The following UBE2E2 variants were observed in gnomAD, a reference collection of about 807,000 sequenced individuals.
UBE2E2 encodes ubiquitin conjugating enzyme E2 E2.
In UBE2E2, 6 loss-of-function variants were observed where a neutral mutation model predicts 24.7. The observed-to-expected ratio is 0.24, with a 90% CI of 0.13 to 0.48. The LOEUF is 0.48. UBE2E2 is among the 20% of genes least tolerant of loss of function. The pLI is 0.99. For synonymous variants in UBE2E2, 104 were observed against 83.6 expected (o/e 1.24, Z -1.33); for missense variants, 169 against 245.0 (o/e 0.69, Z 2.07).
rs564980294 is a variant in UBE2E2 at position 23,440,650 on chromosome 3, A to G, written c.228-58958A>G. Among the ~76,000 whole-genome samples, 360 of 152,346 alleles carry G rather than the reference A, an allele frequency of 2.4e-3. 2 individuals carry two copies. Among genetic ancestry groups the G allele is most frequent in the African/African-American group, 8.2e-3 (343 of 41,578 alleles). On this transcript the variant is annotated intron_variant, in intron 3 of 5. Coordinates refer to ENST00000396703, the MANE Select transcript of UBE2E2 (RefSeq NM_152653.4). ...ACCGTTAGGTAAGATACTGAGAAAA[A>G]GGATAAAGTAAGATCAGCCTAAATG... is the stretch of plus-strand genomic sequence containing the variant.
chr3:23,448,660 T>A (rs1698488165), intron 3 of UBE2E2, among the ~76,000 whole-genome samples: 1 of 152,240 alleles, frequency 6.6e-6, no homozygotes, highest in African/African-American at 2.4e-5. Context: ...AATTCAAATG[T>A]GTTACCTAAT....
intron 3 of UBE2E2, among the ~76,000 whole-genome samples, chr3:23,356,475 A>G (rs1288260337): frequency 6.6e-6 from 1 of 152,218 alleles, no homozygotes; most frequent in Non-Finnish European, 1.5e-5. Context: ...GTACATTCTG[A>G]CACTAACTGC....
At chr3:23,431,303 A>T (rs1274390567) in intron 3 of UBE2E2, among the ~76,000 whole-genome samples, 2 of 152,078 alleles carry the variant, frequency 1.3e-5, no homozygotes, top group Non-Finnish European at 2.9e-5. Context: ...TTTGCTAAGG[A>T]TTTATTTTGT....
intron 3 of UBE2E2, among the ~76,000 whole-genome samples, chr3:23,270,134 C>G (rs1328463620): frequency 7.0e-6 from 1 of 143,570 alleles, no homozygotes; most frequent in Non-Finnish European, 1.5e-5. Context: ...GGTCAAGACT[C>G]TTTCCACCCC....
intron 3 of UBE2E2, among the ~76,000 whole-genome samples, chr3:23,286,520 T>G (rs935547115): frequency 1.3e-5 from 2 of 152,194 alleles, no homozygotes; most frequent in African/African-American, 4.8e-5. Context: ...GTCTGTTTTT[T>G]ATACCAGTTC....
At chr3:23,404,753 G>A (rs981829472) in intron 3 of UBE2E2, among the ~76,000 whole-genome samples, 11 of 152,122 alleles carry the variant, frequency 7.2e-5, no homozygotes, top group African/African-American at 2.2e-4. Context: ...TAACTGTAGC[G>A]TTTAAATATT....
At chr3:23,523,475 TATC>T (rs1336623636) in intron 4 of UBE2E2, among the ~76,000 whole-genome samples, 2 of 152,198 alleles carry the variant, frequency 1.3e-5, no homozygotes, top group Non-Finnish European at 2.9e-5. Context: ...ATAGTAGTCT[TATC>T]ATGTAGCATG....
chr3:23,340,595 G>C (rs563700587), intron 3 of UBE2E2, among the ~76,000 whole-genome samples: 1 of 152,150 alleles, frequency 6.6e-6, no homozygotes, highest in South Asian at 2.1e-4. Flanking sequence ...TTTTTTTAAA[G>C]AAAAAGATGC....
intron 3 of UBE2E2, among the ~76,000 whole-genome samples, chr3:23,274,992 C>T (rs951621507): frequency 6.6e-6 from 1 of 152,172 alleles, no homozygotes; most frequent in Non-Finnish European, 1.5e-5. Context: ...ATGTAATCCT[C>T]AAAATAACTT....
intron 3 of UBE2E2, among the ~76,000 whole-genome samples, chr3:23,229,724 G>A (rs991688567): frequency 6.6e-6 from 1 of 152,186 alleles, no homozygotes; most frequent in African/African-American, 2.4e-5. Context: ...TGTCCCAGTA[G>A]GACTTTCTGT....
At position 23,589,915 on chromosome 3, in the gene UBE2E2, C is replaced by T. The variant is rs935954698; in HGVS notation, c.*84C>T. On this transcript the variant is annotated 3_prime_UTR_variant, in exon 6 of 6. Coordinates refer to ENST00000396703, the MANE Select transcript of UBE2E2 (RefSeq NM_152653.4). This position sits in a 1 kb window ranked among gnomAD's most constrained non-coding sequence, Gnocchi z 4.1. Reference sequence around the variant, plus strand: ...TAGCCCTGCCCACCCCTCCAGACCTCGGTTCTTATTTTCCTATTTTTATTA... The same window carrying T: ...TAGCCCTGCCCACCCCTCCAGACCTTGGTTCTTATTTTCCTATTTTTATTA... 9.3e-6 allele frequency: 12 copies of T among 1,296,274 alleles called. No individual in the cohort carries two copies. The highest frequency in any genetic ancestry group is 7.4e-5 in the African/African-American group (5 of 67,880). The allele number at this position is 1,296,274 out of a possible 1,614,324, so 80.3% of individuals were successfully genotyped here. A position where few individuals can be genotyped will look rare whatever the true frequency, so the allele number is the denominator to read the frequency against.
At chr3:23,316,928 C>T (rs1694597239) in intron 3 of UBE2E2, among the ~76,000 whole-genome samples, 2 of 152,100 alleles carry the variant, frequency 1.3e-5, no homozygotes, top group Non-Finnish European at 2.9e-5. Flanking sequence ...ATGGGGACCT[C>T]AGGACTCTCT....
At chr3:23,519,488 C>T (rs1694812501) in intron 4 of UBE2E2, among the ~76,000 whole-genome samples, 1 of 152,060 alleles carries the variant, frequency 6.6e-6, no homozygotes, top group Non-Finnish European at 1.5e-5. Context: ...ATCTATTCTG[C>T]ATAGATGTTT....
intron 3 of UBE2E2, among the ~76,000 whole-genome samples, chr3:23,298,717 A>G (rs1426434761): frequency 8.6e-5 from 13 of 151,546 alleles, no homozygotes; most frequent in Admixed American, 8.6e-4. Flanking sequence ...TTTTTGCATC[A>G]ATGTTCATCA....
intron 5 of UBE2E2, among the ~76,000 whole-genome samples, chr3:23,570,173 G>A (rs557925756): frequency 1.1e-4 from 17 of 152,082 alleles, no homozygotes; most frequent in Non-Finnish European, 2.1e-4. Flanking sequence ...TAATCAAGCC[G>A]TAACTCCTTG....
intron 5 of UBE2E2, among the ~76,000 whole-genome samples, chr3:23,540,020 C>T (rs759148026): frequency 9.2e-5 from 14 of 151,908 alleles, no homozygotes; most frequent in Non-Finnish European, 1.6e-4. Context: ...TCAGAACTCA[C>T]CTATATTTAG....
In UBE2E2 at chr3:23,407,923, T is replaced by A. The variant is rs1313831689; in HGVS notation, c.228-91685T>A. Among the ~76,000 whole-genome samples the A allele has an allele frequency of 6.8e-6, 1 of 147,232 alleles. No homozygotes were observed. The highest frequency in any genetic ancestry group is 6.7e-5 in the Admixed American group (1 of 14,974). ...TGAAGTTTATAGAAATTAGTGGGTA[T>A]TGGAACCTTCTGAAATGAAATACAG... On this transcript the variant is annotated intron_variant, in intron 3 of 5. Coordinates refer to ENST00000396703, the MANE Select transcript of UBE2E2 (RefSeq NM_152653.4). This position sits in a 1 kb window ranked among gnomAD's most constrained non-coding sequence, Gnocchi z 4.0.
chr3:23,421,641 C>T lies in UBE2E2; in HGVS notation c.228-77967C>T, dbSNP rs561099751. Among the ~76,000 whole-genome samples the T allele has an allele frequency of 2.0e-4, 29 of 143,746 alleles. 1 individual carries two copies. Among genetic ancestry groups the T allele is most frequent in the Middle Eastern group, 3.5e-3 (1 of 288 alleles). The allele number at this position is 143,746 out of a possible 152,430, so 94.3% of individuals were successfully genotyped here. A position where few individuals can be genotyped will look rare whatever the true frequency, so the allele number is the denominator to read the frequency against. ...CAGGCTGGTCTCGAACTCCTGACCT[C>T]ATGACCCGCCCACCTCGGCCTCTCA... On this transcript the variant is annotated intron_variant, in intron 3 of 5. Transcript: ENST00000396703.
At chr3:23,303,088 T>C (rs35587590) in intron 3 of UBE2E2, among the ~76,000 whole-genome samples, 9,593 of 152,158 alleles carry the variant, frequency 0.063, 480 homozygotes, top group Non-Finnish European at 0.092. Context: ...AGCGATGGCA[T>C]TGGATTCTCA....
Sources: allele counts gnomAD v4.1 joint callset (sites outside exome capture counted in the v4.1 genomes callset), GRCh38; gene constraint gnomAD v4.1.1; non-coding constraint Gnocchi (gnomAD v3.1); transcripts MANE v1.5; gene names NCBI Gene and HGNC (gene_info 2026-07-23, HGNC 2026-07-21).